The following GPM6A variants were observed in gnomAD, a reference collection of about 807,000 sequenced individuals.
GPM6A encodes the protein neuronal membrane glycoprotein M6-a.
In GPM6A, 7 loss-of-function variants were observed where a neutral mutation model predicts 32.1. That is an observed-to-expected ratio of 0.22 (90% CI 0.12 to 0.41). The LOEUF (loss-of-function observed/expected upper bound fraction) is 0.41, where lower values mean the gene tolerates loss of function less well. GPM6A is among the 10% of genes least tolerant of loss of function. GPM6A has a pLI of 1.00. For synonymous variants in GPM6A, 130 were observed against 123.4 expected (o/e 1.05, Z -0.35); for missense variants, 235 against 347.2 (o/e 0.68, Z 2.57).
chr4:175,745,838 T>C (rs1446476141), intron 1 of GPM6A, among the ~76,000 whole-genome samples: 9 of 152,124 alleles, frequency 5.9e-5, no homozygotes, highest in Non-Finnish European at 1.0e-4. Flanking sequence ...GGGGTCAAGT[T>C]GGGAAGACTT....
At chr4:175,810,978 T>C (rs186379086) in intron 1 of GPM6A, among the ~76,000 whole-genome samples, 1 of 152,124 alleles carries the variant, frequency 6.6e-6, no homozygotes, top group African/African-American at 2.4e-5. Context: ...AGGACTAAAA[T>C]TGGGAAATCA....
At chr4:175,718,956 A>C (rs1745978728) in intron 1 of GPM6A, among the ~76,000 whole-genome samples, 1 of 152,162 alleles carries the variant, frequency 6.6e-6, no homozygotes, top group Non-Finnish European at 1.5e-5. Context: ...AAAAATTCAA[A>C]TTCTCTTTAA....
intron 1 of GPM6A, among the ~76,000 whole-genome samples, chr4:175,742,228 A>G (rs1310657075): frequency 2.0e-5 from 3 of 152,270 alleles, no homozygotes; most frequent in East Asian, 3.9e-4. Flanking sequence ...CCTAAGCTAT[A>G]TCATCCAAAA....
intron 1 of GPM6A, among the ~76,000 whole-genome samples, chr4:175,715,383 G>A (rs907970235): frequency 1.9e-4 from 29 of 152,218 alleles, no homozygotes; most frequent in African/African-American, 6.5e-4. Context: ...AAAGTGAATA[G>A]GTCTGCGGTC....
chr4:175,803,224 A>G (rs1734546067), intron 1 of GPM6A, among the ~76,000 whole-genome samples: 1 of 151,308 alleles, frequency 6.6e-6, no homozygotes, highest in Non-Finnish European at 1.5e-5. Flanking sequence ...ATGGGTTTGT[A>G]TTCAGAGCAC....
chr4:175,758,297 GA>G (rs577049488), intron 1 of GPM6A, among the ~76,000 whole-genome samples: 3 of 151,930 alleles, frequency 2.0e-5, no homozygotes, highest in Non-Finnish European at 4.4e-5. Context: ...TTAAAAATTG[GA>G]AAAAATATAA....
intron 1 of GPM6A, among the ~76,000 whole-genome samples, chr4:175,934,723 A>T (rs1739164732): frequency 6.6e-6 from 1 of 152,224 alleles, no homozygotes; most frequent in Non-Finnish European, 1.5e-5. Context: ...ACGCGAGGGT[A>T]ATAAAACAAT....
chr4:175,974,165 G>A (rs1740589906), intron 1 of GPM6A, among the ~76,000 whole-genome samples: 2 of 152,164 alleles, frequency 1.3e-5, no homozygotes, highest in South Asian at 4.1e-4. Flanking sequence ...GTGAAGTGGA[G>A]GTTGCAATGA....
intron 1 of GPM6A, among the ~76,000 whole-genome samples, chr4:175,917,626 C>A (rs1446907542): frequency 6.6e-6 from 1 of 152,138 alleles, no homozygotes; most frequent in Non-Finnish European, 1.5e-5. Context: ...CTTCATTCAT[C>A]CTCCTTGATA....
intron 6 of GPM6A, among the ~76,000 whole-genome samples, chr4:175,636,931 C>A (rs1740653505): frequency 7.7e-6 from 1 of 130,434 alleles, no homozygotes. Flanking sequence ...CAGTATTTCA[C>A]TCATGCATAT....
intron 1 of GPM6A, among the ~76,000 whole-genome samples, chr4:175,894,741 G>A (rs55677283): frequency 0.049 from 7,497 of 152,054 alleles, 595 homozygotes; most frequent in African/African-American, 0.17. Flanking sequence ...AAATCATTTT[G>A]GCTAATTAAT....
intron 1 of GPM6A, among the ~76,000 whole-genome samples, chr4:175,708,602 G>T (rs1579410133): frequency 1.3e-5 from 2 of 152,084 alleles, no homozygotes; most frequent in South Asian, 4.2e-4. Context: ...GTCCTGGCTG[G>T]TCTCGAACTC....
intron 1 of GPM6A, among the ~76,000 whole-genome samples, chr4:175,738,088 C>T (rs995705210): frequency 3.9e-5 from 6 of 152,118 alleles, no homozygotes; most frequent in Admixed American, 3.9e-4. Flanking sequence ...CAGGCATGTG[C>T]CAACACGCCT....
chr4:175,790,181 C>T (rs1733957154), intron 1 of GPM6A: 1 of 152,088 alleles, frequency 6.6e-6, no homozygotes. Context: ...CCATTATCTA[C>T]ACAGTTTTTT....
At chr4:175,824,662 C>A (rs960486298) in intron 1 of GPM6A, among the ~76,000 whole-genome samples, 1 of 152,158 alleles carries the variant, frequency 6.6e-6, no homozygotes, top group Non-Finnish European at 1.5e-5. Flanking sequence ...GAACCTATTG[C>A]GAGGTGCCCA....
intron 1 of GPM6A, among the ~76,000 whole-genome samples, chr4:175,985,125 C>T (rs1486209013): frequency 2.0e-5 from 3 of 152,034 alleles, no homozygotes; most frequent in African/African-American, 4.8e-5. Context: ...TTTGTAGATT[C>T]CATGAAAACT....
At chr4:175,819,578 A>G (rs1209142324) in intron 1 of GPM6A, among the ~76,000 whole-genome samples, 7 of 152,202 alleles carry the variant, frequency 4.6e-5, no homozygotes, top group African/African-American at 1.4e-4. Context: ...CCTGTCAGGT[A>G]ATTACTATTG....
chr4:175,634,575 A>G lies in GPM6A; in HGVS notation c.*330T>C, dbSNP rs1740470845. On this transcript the variant is annotated 3_prime_UTR_variant, in exon 7 of 7. Transcript: ENST00000393658. ...AGAAATAATGCAAAAGGTGTTATGT[A>G]TAACACATGGGAAGTGGTTAAAAAT... is the stretch of plus-strand genomic sequence containing the variant. The G allele has an allele frequency of 4.3e-6, 1 of 230,098 alleles. No homozygotes were observed. The highest frequency in any genetic ancestry group is 8.5e-6 in the Non-Finnish European group (1 of 118,128). 14.3% of individuals were successfully genotyped at this position (230,098 alleles called of 1,614,324 possible).
At chr4:175,840,771 T>C (rs1560959749) in intron 1 of GPM6A, among the ~76,000 whole-genome samples, 1 of 152,282 alleles carries the variant, frequency 6.6e-6, no homozygotes, top group East Asian at 1.9e-4. Flanking sequence ...GATAATTCAA[T>C]GATATATCCA....
Sources: allele counts gnomAD v4.1 joint callset (sites outside exome capture counted in the v4.1 genomes callset), GRCh38; gene constraint gnomAD v4.1.1; transcripts MANE v1.5; gene names NCBI Gene and HGNC (gene_info 2026-07-23, HGNC 2026-07-21).